L3MBTL4: variants seen among roughly 807,000 people sequenced by gnomAD.
L3MBTL4 encodes lethal(3)malignant brain tumor-like protein 4.
A neutral mutation model predicts 84.5 loss-of-function variants in L3MBTL4; 70 were observed. That is an observed-to-expected ratio of 0.83 (90% confidence interval 0.68 to 1.01). The LOEUF (loss-of-function observed/expected upper bound fraction) is 1.01. Among genes scored for constraint, L3MBTL4 ranks in the 50% least tolerant of loss-of-function variants. The pLI, the probability that L3MBTL4 is intolerant of heterozygous loss-of-function variation, is 0.00. For missense variants in L3MBTL4, 715 were observed against 754.8 expected (o/e 0.95, Z 0.62); for synonymous variants, 274 against 259.8 (o/e 1.05, Z -0.52).
At chr18:5,993,981 G>A (rs182010019) in intron 16 of L3MBTL4, among the ~76,000 whole-genome samples, 5 of 152,262 alleles carry the variant, frequency 3.3e-5, no homozygotes, top group Admixed American at 2.6e-4. Context: ...AAGGAACAAC[G>A]GTCCCAAACA....
At chr18:6,263,171 AG>A (rs1481408199) in intron 5 of L3MBTL4, among the ~76,000 whole-genome samples, 1 of 151,384 alleles carries the variant, frequency 6.6e-6, no homozygotes, top group African/African-American at 2.4e-5. Flanking sequence ...TCAGATGCTG[AG>A]GCAGGAGAAT....
intron 12 of L3MBTL4, among the ~76,000 whole-genome samples, chr18:6,180,081 C>A (rs1222232901): frequency 6.6e-6 from 1 of 152,040 alleles, no homozygotes; most frequent in Non-Finnish European, 1.5e-5. Context: ...ACTGAGAGAA[C>A]CATGCAAGAA....
At chr18:6,007,034 G>A (rs79883027) in intron 16 of L3MBTL4, among the ~76,000 whole-genome samples, 1 of 152,020 alleles carries the variant, frequency 6.6e-6, no homozygotes, top group Admixed American at 6.6e-5. Flanking sequence ...GCATGGAAAA[G>A]ATCTCTCTAT....
At chr18:6,372,309 G>A (rs992508620) in intron 1 of L3MBTL4, among the ~76,000 whole-genome samples, 1 of 152,182 alleles carries the variant, frequency 6.6e-6, no homozygotes, top group Non-Finnish European at 1.5e-5. Context: ...TGTGGGGCAA[G>A]GGAAACTGAC....
chr18:6,254,886 C>T (rs1001511304), intron 5 of L3MBTL4, among the ~76,000 whole-genome samples: 1 of 152,034 alleles, frequency 6.6e-6, no homozygotes, highest in African/African-American at 2.4e-5. Context: ...AAGCACGTAC[C>T]GGAGCAGATA....
rs1303087482 is a variant in L3MBTL4, at chr18:6,090,714, T to TC, written c.1373+2640dup. On this transcript the variant is annotated intron_variant, in intron 15 of 18. Transcript: ENST00000317931. Reference sequence around the variant, plus strand: ...GTGATAGCTCACTGCAGCCTCTGCTTCCCAGGCTCAAGTGATCCTCCCACC... The same window carrying TC: ...GTGATAGCTCACTGCAGCCTCTGCTTCCCCAGGCTCAAGTGATCCTCCCACC... 2.6e-5 allele frequency among the ~76,000 whole-genome samples: 4 copies of TC among 151,474 alleles called. No homozygotes were observed. In the East Asian group the frequency reaches 7.8e-4, roughly 29 times the overall value.
At chr18:5,974,365 C>A (rs2052795360) in intron 16 of L3MBTL4, among the ~76,000 whole-genome samples, 1 of 152,198 alleles carries the variant, frequency 6.6e-6, no homozygotes, top group Non-Finnish European at 1.5e-5. Context: ...TTGAGTCTAG[C>A]AGCACTCAGA....
chr18:6,273,790 T>C (rs1182378984), intron 4 of L3MBTL4, among the ~76,000 whole-genome samples: 1 of 152,214 alleles, frequency 6.6e-6, no homozygotes, highest in Non-Finnish European at 1.5e-5. Context: ...ACAGGATTTT[T>C]TATAAGATTC....
At chr18:6,106,938 T>C (rs957869304) in intron 14 of L3MBTL4, among the ~76,000 whole-genome samples, 1 of 152,176 alleles carries the variant, frequency 6.6e-6, no homozygotes, top group Non-Finnish European at 1.5e-5. Flanking sequence ...GGCTTTGACC[T>C]GGGGACTACA....
At chr18:6,247,467 T>TA (rs2047721677) in intron 5 of L3MBTL4, among the ~76,000 whole-genome samples, 2 of 77,584 alleles carry the variant, frequency 2.6e-5, no homozygotes, top group South Asian at 9.5e-4. Flanking sequence ...CCTCCTCTGA[T>TA]TTTTTTTTTT....
chr18:6,193,181 A>C (rs1463374950), intron 12 of L3MBTL4, among the ~76,000 whole-genome samples: 1 of 152,080 alleles, frequency 6.6e-6, no homozygotes. Context: ...GAGAAGGGCA[A>C]GGGACTGAGA....
chr18:6,011,476 G>C (rs2054735375), intron 16 of L3MBTL4, among the ~76,000 whole-genome samples: 1 of 152,158 alleles, frequency 6.6e-6, no homozygotes, highest in Admixed American at 6.5e-5. Flanking sequence ...GACAAGCTCA[G>C]TCTGTGGTAT....
chr18:5,968,767 A>G (rs573500598), intron 17 of L3MBTL4, among the ~76,000 whole-genome samples: 12 of 152,138 alleles, frequency 7.9e-5, no homozygotes, highest in Non-Finnish European at 1.6e-4. Flanking sequence ...CAATATTGTA[A>G]GGCATGTTTA....
chr18:6,192,462 G>A (rs1283801998), intron 12 of L3MBTL4, among the ~76,000 whole-genome samples: 1 of 152,078 alleles, frequency 6.6e-6, no homozygotes, highest in East Asian at 1.9e-4. Context: ...GTGGCAACAG[G>A]AGCAGGCAGG....
intron 16 of L3MBTL4, among the ~76,000 whole-genome samples, chr18:5,991,391 T>C (rs1453604034): frequency 6.6e-6 from 1 of 152,192 alleles, no homozygotes; most frequent in African/African-American, 2.4e-5. Context: ...GTCTGTCTCT[T>C]ATTCAGTCCT....
chr18:6,019,243 T>A (rs2055139659), intron 16 of L3MBTL4, among the ~76,000 whole-genome samples: 1 of 152,186 alleles, frequency 6.6e-6, no homozygotes, highest in African/African-American at 2.4e-5. Context: ...TCTGGATGAA[T>A]AAAGATGACC....
chr18:6,298,690 T>C (rs922481814), intron 4 of L3MBTL4, among the ~76,000 whole-genome samples: 13 of 152,134 alleles, frequency 8.5e-5, no homozygotes, highest in African/African-American at 3.1e-4. Context: ...CTGGCCGATA[T>C]GGTGAAACCC....
chr18:5,979,346 C>T (rs1348839782), intron 16 of L3MBTL4, among the ~76,000 whole-genome samples: 2 of 152,152 alleles, frequency 1.3e-5, no homozygotes, highest in Middle Eastern at 3.2e-3. Context: ...CACAGCCAGC[C>T]CAGGGCACAG....
At chr18:5,969,261 T>C in intron 17 of L3MBTL4, 132 bp downstream of exon 17, 1 of 962,386 alleles carries the variant, frequency 1.0e-6, no homozygotes, top group Admixed American at 2.1e-5. Context: ...TTTTAAAGTT[T>C]ACATGGCAGA....
Sources: allele counts gnomAD v4.1 joint callset (sites outside exome capture counted in the v4.1 genomes callset), GRCh38; gene constraint gnomAD v4.1.1; transcripts MANE v1.5; gene names NCBI Gene and HGNC (gene_info 2026-07-23, HGNC 2026-07-21).